Variants in ADAMTS20 observed in about 807,000 individuals in gnomAD.
ADAMTS20 encodes ADAM metallopeptidase with thrombospondin type 1 motif 20, also known as A disintegrin and metalloproteinase with thrombospondin motifs 20.
ADAMTS20 carries 225 observed loss-of-function variants against 260.1 expected under a neutral mutation model. That is an observed-to-expected ratio of 0.87 (90% CI 0.78 to 0.97). ADAMTS20 has a LOEUF of 0.97. Ranked by LOEUF, ADAMTS20 falls within the 50% of genes least tolerant of loss-of-function variation. The pLI, the probability that ADAMTS20 is intolerant of heterozygous loss-of-function variation, is 0.00. For missense variants in ADAMTS20, 2,400 were observed against 2,337.7 expected, an observed-to-expected ratio of 1.03 and a Z score of -0.55; for synonymous variants, 802 against 769.5, an observed-to-expected ratio of 1.04 and a Z score of -0.70.
At chr12:43,531,632 G>T (rs1238752230) in intron 3 of ADAMTS20, among the ~76,000 whole-genome samples, 4 of 152,096 alleles carry the variant, frequency 2.6e-5, no homozygotes, top group Non-Finnish European at 5.9e-5. Context: ...AGAGGCTACA[G>T]TTGCAGGCGG....
intron 3 of ADAMTS20, among the ~76,000 whole-genome samples, chr12:43,529,858 C>G (rs1943196342): frequency 6.6e-6 from 1 of 151,042 alleles, no homozygotes; most frequent in Non-Finnish European, 1.5e-5. Context: ...AACATGTGAA[C>G]TGAGGGAGGA....
intron 3 of ADAMTS20, among the ~76,000 whole-genome samples, chr12:43,506,306 G>A (rs1444730436): frequency 2.6e-5 from 4 of 151,444 alleles, no homozygotes; most frequent in South Asian, 2.1e-4. Flanking sequence ...GAAACAAAAA[G>A]TATACTGGTG....
intron 7 of ADAMTS20, among the ~76,000 whole-genome samples, chr12:43,472,751 A>G (rs1374965682): frequency 6.6e-6 from 1 of 151,438 alleles, no homozygotes; most frequent in African/African-American, 2.4e-5. Flanking sequence ...TCATAAGTGA[A>G]GGAGAAATAA....
At chr12:43,441,439 GT>G (rs1216904646) in intron 16 of ADAMTS20, among the ~76,000 whole-genome samples, 1 of 150,346 alleles carries the variant, frequency 6.7e-6, no homozygotes, top group Non-Finnish European at 1.5e-5. Flanking sequence ...AGAAATCAAT[GT>G]GGGATAAAAA....
At chr12:43,438,733 C>T (rs1417218638) in intron 18 of ADAMTS20, among the ~76,000 whole-genome samples, 1 of 152,094 alleles carries the variant, frequency 6.6e-6, no homozygotes, top group Non-Finnish European at 1.5e-5. Context: ...GCTTCCTTTG[C>T]CCTGACCCAC....
chr12:43,368,604 C>T (rs938421608), intron 37 of ADAMTS20, among the ~76,000 whole-genome samples: 2 of 151,992 alleles, frequency 1.3e-5, no homozygotes, highest in Non-Finnish European at 2.9e-5. Context: ...TACCACTTGT[C>T]TTAGGTAGTA....
chr12:43,460,990 T>TATATATATATATATA (rs1942054178), intron 11 of ADAMTS20, among the ~76,000 whole-genome samples: 2 of 27,830 alleles, frequency 7.2e-5, no homozygotes, highest in African/African-American at 1.1e-4. Context: ...ATATATATAT[T>TATATATATATATATA]TTTTTTTTTT....
intron 4 of ADAMTS20, among the ~76,000 whole-genome samples, chr12:43,501,470 C>CGT (rs1292527564): frequency 7.0e-5 from 7 of 99,804 alleles, no homozygotes; most frequent in African/African-American, 1.2e-4. Context: ...TACGCGCGCG[C>CGT]GCGCGCGCGC....
At chr12:43,512,008 G>T (rs1942930655) in intron 3 of ADAMTS20, among the ~76,000 whole-genome samples, 1 of 151,826 alleles carries the variant, frequency 6.6e-6, no homozygotes, top group South Asian at 2.1e-4. Flanking sequence ...TATGCCCTAT[G>T]TTGCCACACT....
intron 4 of ADAMTS20, 47 bp from the exon 5 acceptor site, chr12:43,493,300 C>T (rs1401410694): frequency 7.5e-7 from 1 of 1,341,212 alleles, no homozygotes; most frequent in Non-Finnish European, 1.0e-6. Flanking sequence ...ATGAATATTT[C>T]TTCTCAAAAG....
Position 43,432,602 on chromosome 12 carries a change from T to C in ADAMTS20, c.2930A>G (p.Gln977Arg). Residue 977 changes from glutamine to arginine, a missense_variant and splice_region_variant, in exon 20 of 39, where the codon CAG becomes CGG. Transcript: ENST00000389420. The part of the protein sequence containing the change: ...FTRWHYSEWS[Q>R]CSRSCGGGER... ...TTTAAGCAATCATTTTTATTGTACC[T>C]GAGACCATTCTGAATAATGCCATCT... 1.2e-6 allele frequency: 2 copies of C among 1,613,640 alleles called. No individual in the cohort carries two copies. Among genetic ancestry groups the C allele is most frequent in the East Asian group, 2.2e-5 (1 of 44,868 alleles).
intron 28 of ADAMTS20, among the ~76,000 whole-genome samples, chr12:43,417,618 A>C (rs1186076634): frequency 6.6e-6 from 1 of 152,200 alleles, no homozygotes; most frequent in East Asian, 1.9e-4. Flanking sequence ...GATCTTATTG[A>C]ACATATATTC....
At chr12:43,519,809 A>G (rs1943047261) in intron 3 of ADAMTS20, among the ~76,000 whole-genome samples, 1 of 152,184 alleles carries the variant, frequency 6.6e-6, no homozygotes, top group African/African-American at 2.4e-5. Context: ...GAATTCAGAA[A>G]TTTATCTTAT....
intron 3 of ADAMTS20, among the ~76,000 whole-genome samples, chr12:43,507,858 C>T (rs149916245): frequency 1.3e-3 from 201 of 152,216 alleles, no homozygotes; most frequent in African/African-American, 4.6e-3. Context: ...AAGCTGGAGG[C>T]CATTATCCTT....
intron 2 of ADAMTS20, among the ~76,000 whole-genome samples, chr12:43,544,833 C>A (rs1271417944): frequency 6.6e-6 from 1 of 152,148 alleles, no homozygotes; most frequent in Non-Finnish European, 1.5e-5. Flanking sequence ...TTTTTGGTCT[C>A]CTTCACCAAT....
Position 43,431,503 on chromosome 12 carries a change from G to A in ADAMTS20, c.3097-7C>T, listed in dbSNP as rs778517950. 4 of 1,613,676 alleles carry A rather than the reference G, an allele frequency of 2.5e-6. No individual in the cohort carries two copies. The highest frequency in any genetic ancestry group is 1.1e-5 in the South Asian group (1 of 91,042). The stretch of plus-strand genomic sequence containing the variant: ...TACCACATGTAACAAGGCACTGTAA[G>A]AATAAAACTGATCATTATTTATTTG... On this transcript the variant is annotated splice_region_variant and splice_polypyrimidine_tract_variant and intron_variant, in intron 21 of 38. Transcript: ENST00000389420.
intron 7 of ADAMTS20, among the ~76,000 whole-genome samples, chr12:43,483,674 A>T (rs1942475249): frequency 6.6e-6 from 1 of 152,012 alleles, no homozygotes; most frequent in Admixed American, 6.6e-5. Flanking sequence ...TGGGTGGTGG[A>T]TCGCTTTCCT....
intron 7 of ADAMTS20, among the ~76,000 whole-genome samples, chr12:43,478,183 C>T (rs1421813351): frequency 6.6e-6 from 1 of 151,572 alleles, no homozygotes; most frequent in Non-Finnish European, 1.5e-5. Context: ...TAAATGTAAA[C>T]AAAACGAACA....
chr12:43,516,468 G>T (rs1320336070), intron 3 of ADAMTS20, among the ~76,000 whole-genome samples: 1 of 152,232 alleles, frequency 6.6e-6, no homozygotes, highest in Non-Finnish European at 1.5e-5. Flanking sequence ...TTACAATTAA[G>T]TGGTTGGTAG....
Sources: gnomAD v4.1 joint callset for allele counts (sites outside exome capture counted in the v4.1 genomes callset) on GRCh38, gnomAD v4.1.1 for gene constraint, MANE v1.5 for transcripts, NCBI Gene and HGNC (gene_info 2026-07-23, HGNC 2026-07-21) for gene names.